Variants in MLLT3 observed in about 807,000 individuals in gnomAD.
The protein encoded by MLLT3 is protein AF-9.
Under a neutral mutation model 53.2 loss-of-function variants are expected in MLLT3, and 4 were observed. That is an observed-to-expected ratio of 0.08 (90% confidence interval 0.04 to 0.17). The LOEUF (loss-of-function observed/expected upper bound fraction) is 0.17. Among genes scored for constraint, MLLT3 ranks in the 10% least tolerant of loss-of-function variants. The pLI is 1.00. For missense variants in MLLT3, 569 were observed against 684.0 expected (o/e 0.83, Z 1.87); for synonymous variants, 283 against 230.6 (o/e 1.23, Z -2.06).
intron 2 of MLLT3, among the ~76,000 whole-genome samples, chr9:20,471,175 G>T (rs1024719916): frequency 2.0e-5 from 3 of 151,932 alleles, no homozygotes; most frequent in Admixed American, 6.6e-5. Context: ...TTTATTAAAG[G>T]CTTCTGTGTA....
intron 5 of MLLT3, among the ~76,000 whole-genome samples, chr9:20,371,301 T>C (rs10964547): frequency 0.19 from 28,246 of 152,180 alleles, 4,883 homozygotes; most frequent in East Asian, 0.67. Context: ...TGAAGGTGGC[T>C]ACACTACACA....
chr9:20,560,008 C>G (rs1819160058), intron 2 of MLLT3, among the ~76,000 whole-genome samples: 1 of 152,118 alleles, frequency 6.6e-6, no homozygotes, highest in African/African-American at 2.4e-5. Context: ...ATAAGGGAGA[C>G]TTGGATAACA....
At chr9:20,595,452 C>T (rs1820238223) in intron 2 of MLLT3, among the ~76,000 whole-genome samples, 2 of 151,666 alleles carry the variant, frequency 1.3e-5, no homozygotes, top group Non-Finnish European at 2.9e-5. Flanking sequence ...TTTATATTAC[C>T]ACATACTTCA....
chr9:20,613,070 G>A (rs892974210), intron 2 of MLLT3, among the ~76,000 whole-genome samples: 3 of 152,130 alleles, frequency 2.0e-5, no homozygotes, highest in Admixed American at 6.5e-5. Context: ...TTCCCATGAT[G>A]AAATACTAAG....
At position 20,448,287 on chromosome 9, in the gene MLLT3, T is replaced by C. The variant is rs1206380751; in HGVS notation, c.277-21A>G. 4 of 1,603,666 alleles carry C rather than the reference T, an allele frequency of 2.5e-6. No individual in the cohort carries two copies. The highest frequency in any genetic ancestry group is 1.7e-5 in the Admixed American group (1 of 57,912). On this transcript the variant is annotated intron_variant, in intron 3 of 10. Transcript: ENST00000380338. The surrounding 1 kb of genome is among the most constrained non-coding windows in gnomAD (Gnocchi z 4.0). ...TCTTCCTGGAGGTTAACAAAAATTA[T>C]GAAAGAAAAAAGAGAGTGAGGCATA...
At chr9:20,599,339 T>C (rs1032420032) in intron 2 of MLLT3, among the ~76,000 whole-genome samples, 3 of 150,784 alleles carry the variant, frequency 2.0e-5, no homozygotes, top group Non-Finnish European at 3.0e-5. Context: ...TCTTTGAGTA[T>C]CATGCAATGA....
chr9:20,579,567 C>T (rs1024386320), intron 2 of MLLT3, among the ~76,000 whole-genome samples: 2 of 151,924 alleles, frequency 1.3e-5, no homozygotes, highest in Admixed American at 1.3e-4. Context: ...AATTCTGACG[C>T]ATGAATAAAA....
chr9:20,498,885 T>C (rs1563788173), intron 2 of MLLT3, among the ~76,000 whole-genome samples: 1 of 152,210 alleles, frequency 6.6e-6, no homozygotes, highest in Non-Finnish European at 1.5e-5. Context: ...ACTGCCTTAG[T>C]ATTAGTGTAT....
intron 2 of MLLT3, among the ~76,000 whole-genome samples, chr9:20,483,063 A>AT (rs1213478819): frequency 1.3e-5 from 2 of 152,170 alleles, no homozygotes; most frequent in Admixed American, 6.5e-5. Context: ...CAGGTGAAAA[A>AT]AAAACAAACT....
In MLLT3 at chr9:20,342,377, C is replaced by T. The variant is rs1403858260; in HGVS notation, c.*4066G>A. The T allele has an allele frequency of 4.5e-6, 1 of 224,194 alleles. No individual in the cohort carries two copies. The highest frequency in any genetic ancestry group is 6.5e-5 in the East Asian group (1 of 15,406). The allele number at this position is 224,194 out of a possible 1,614,324, so 13.9% of individuals were successfully genotyped here. A position where few individuals can be genotyped will look rare whatever the true frequency, so the allele number is the denominator to read the frequency against. Reference sequence around the variant, plus strand: ...TTCAACATAACTACACATACACAGTCCATTAAAAAGATACTGACAGATTTA... The same window carrying T: ...TTCAACATAACTACACATACACAGTTCATTAAAAAGATACTGACAGATTTA... On this transcript the variant is annotated 3_prime_UTR_variant, in exon 11 of 11. Transcript: ENST00000380338.
intron 2 of MLLT3, among the ~76,000 whole-genome samples, chr9:20,520,481 T>G (rs905581083): frequency 1.3e-5 from 2 of 152,164 alleles, no homozygotes; most frequent in African/African-American, 4.8e-5. Flanking sequence ...CTAAGTTCCA[T>G]CCTAAATGCT....
chr9:20,383,042 A>C (rs2118701185), intron 5 of MLLT3, among the ~76,000 whole-genome samples: 1 of 151,970 alleles, frequency 6.6e-6, no homozygotes, highest in Middle Eastern at 3.4e-3. Flanking sequence ...CTGAACATGA[A>C]CTTTAAGCCC....
chr9:20,462,740 A>G (rs1824141719), intron 2 of MLLT3, among the ~76,000 whole-genome samples: 1 of 152,188 alleles, frequency 6.6e-6, no homozygotes, highest in Admixed American at 6.5e-5. Context: ...AGAGCTTTCC[A>G]AAAGCTAATG....
At chr9:20,497,688 GT>G (rs1563787491) in intron 2 of MLLT3, among the ~76,000 whole-genome samples, 3 of 152,016 alleles carry the variant, frequency 2.0e-5, no homozygotes, top group Non-Finnish European at 4.4e-5. Flanking sequence ...TCCACAATTT[GT>G]TTATCCATTC....
At chr9:20,526,039 A>T (rs1051257257) in intron 2 of MLLT3, among the ~76,000 whole-genome samples, 10 of 152,214 alleles carry the variant, frequency 6.6e-5, no homozygotes, top group African/African-American at 2.4e-4. Context: ...TATGTTCAAG[A>T]TCAGAAAATA....
At chr9:20,557,654 A>T (rs1353808570) in intron 2 of MLLT3, among the ~76,000 whole-genome samples, 2 of 152,218 alleles carry the variant, frequency 1.3e-5, no homozygotes, top group Admixed American at 6.5e-5. Context: ...GAACCCCATT[A>T]GTCCCTTCCT....
In MLLT3 at chr9:20,344,545, C is replaced by T. The variant is rs1820817954; in HGVS notation, c.*1898G>A. The T allele has an allele frequency of 1.4e-5, 3 of 217,296 alleles. No individual in the cohort carries two copies. The highest frequency in any genetic ancestry group is 6.8e-5 in the African/African-American group (3 of 44,432). 13.5% of individuals were successfully genotyped at this position (217,296 alleles called of 1,614,324 possible). A position where few individuals can be genotyped will look rare whatever the true frequency, so the allele number is the denominator to read the frequency against. ...GCACATCAAGAAGTGGACAATACAA[C>T]AAATGCTTCAAGTACGGTTCATGCC... On this transcript the variant is annotated 3_prime_UTR_variant, in exon 11 of 11. Coordinates refer to ENST00000380338, the MANE Select transcript of MLLT3 (RefSeq NM_004529.4).
At chr9:20,618,571 T>C (rs1339439066) in intron 2 of MLLT3, among the ~76,000 whole-genome samples, 1 of 152,196 alleles carries the variant, frequency 6.6e-6, no homozygotes, top group African/African-American at 2.4e-5. Flanking sequence ...CAATGGCTTA[T>C]AGACTGCATA....
chr9:20,456,918 T>G, intron 2 of MLLT3, 132 bp from the exon 3 acceptor site: 1 of 625,984 alleles, frequency 1.6e-6, no homozygotes, highest in Non-Finnish European at 2.7e-6. Context: ...AAACTCCCAG[T>G]TGAGTCTCCG....
Sources: gnomAD v4.1 joint callset for allele counts (sites outside exome capture counted in the v4.1 genomes callset) on GRCh38, gnomAD v4.1.1 for gene constraint, Gnocchi (gnomAD v3.1) non-coding constraint, MANE v1.5 for transcripts, NCBI Gene and HGNC (gene_info 2026-07-23, HGNC 2026-07-21) for gene names.